MDN1: variants seen among roughly 807,000 people sequenced by gnomAD.
MDN1 encodes the protein midasin AAA ATPase 1, also known as midasin.
MDN1 carries 266 observed loss-of-function variants against 669.2 expected under a neutral mutation model. The observed-to-expected ratio is 0.40, with a 90% confidence interval of 0.36 to 0.44. The LOEUF is 0.44. Among genes scored for constraint, MDN1 ranks in the 20% least tolerant of loss-of-function variants. The pLI, the probability that MDN1 is intolerant of heterozygous loss-of-function variation, is 1.00. For synonymous variants in MDN1, 2,385 were observed against 2,457.1 expected (o/e 0.97, Z 0.87); for missense variants, 5,940 against 6,754.0 (o/e 0.88, Z 4.22).
At position 89,650,699 on chromosome 6, in the gene MDN1, G is replaced by A. The variant is rs749906639; in HGVS notation, c.16031+33C>T. ...TCAATGAAGCTGCCGTCTTCTCAGGGCACTGTGAGGCCTTCCAGAGGGGAA... is the reference window on the plus strand; with the variant it reads ...TCAATGAAGCTGCCGTCTTCTCAGGACACTGTGAGGCCTTCCAGAGGGGAA... On this transcript the variant is annotated intron_variant, in intron 96 of 101. Coordinates refer to ENST00000369393, the MANE Select transcript of MDN1 (RefSeq NM_014611.3). 7 of 1,518,364 alleles carry A rather than the reference G, an allele frequency of 4.6e-6. No individual in the cohort carries two copies. The South Asian group carries it at 7.9e-5, about 17-fold the overall frequency. 94.1% of individuals were successfully genotyped at this position (1,518,364 alleles called of 1,614,324 possible). A position where few individuals can be genotyped will look rare whatever the true frequency, so the allele number is the denominator to read the frequency against.
intron 71 of MDN1, 56 bp downstream of exon 71, chr6:89,684,820 A>C: frequency 8.7e-7 from 1 of 1,150,400 alleles, no homozygotes; most frequent in Non-Finnish European, 1.3e-6. Context: ...GGTTAACGAA[A>C]GAGAATTTGC....
At chr6:89,752,448 C>T (rs969921805) in intron 22 of MDN1, among the ~76,000 whole-genome samples, 2 of 152,158 alleles carry the variant, frequency 1.3e-5, no homozygotes, top group East Asian at 1.9e-4. Flanking sequence ...AAGGCTGAGT[C>T]CAAAGAAACT....
rs751681703 is a variant in MDN1, at chr6:89,688,123, G to A, written c.11310C>T (p.Ile3770=). The A allele has an allele frequency of 5.0e-6, 8 of 1,614,014 alleles. No individual in the cohort carries two copies. The African/African-American group carries it at 9.3e-5, about 19-fold the overall frequency. The change falls in exon 67 of 102, where the codon ATC becomes ATT. Residue 3770 remains isoleucine, a synonymous_variant. Transcript: ENST00000369393. ...RIRSFPLSSP[I]SKFLNGLEIL... The stretch of plus-strand genomic sequence containing the variant: ...TCTCTAAGCCATTCAGGAACTTTGA[G>A]ATGGGACTGGAAAGTGGGAAACTAC...
At chr6:89,690,428 G>C (rs1175453716) in intron 64 of MDN1, among the ~76,000 whole-genome samples, 1 of 152,018 alleles carries the variant, frequency 6.6e-6, no homozygotes, top group Non-Finnish European at 1.5e-5. Flanking sequence ...AAAAACGGCA[G>C]GGTGTGGTAG....
intron 73 of MDN1, among the ~76,000 whole-genome samples, chr6:89,682,776 C>CAA (rs1168971439): frequency 0.071 from 2,493 of 35,268 alleles, 116 homozygotes; most frequent in Non-Finnish European, 0.11. Flanking sequence ...CTCATCTCTA[C>CAA]AAAAAAAAAA....
chr6:89,785,086 T>C lies in MDN1; in HGVS notation c.1375A>G (p.Ser459Gly), dbSNP rs767348994. The C allele has an allele frequency of 8.7e-6, 14 of 1,614,040 alleles. No individual in the cohort carries two copies. The East Asian group carries it at 3.1e-4, about 36-fold the overall frequency. ...CGGNWYRPLN[S>G]HATLLDKYWT... ...TATTTGTCTAGCAAAGTAGCATGACTGTTTAGCGGTCGATACCAATTTCCT... is the reference window on the plus strand; with the variant it reads ...TATTTGTCTAGCAAAGTAGCATGACCGTTTAGCGGTCGATACCAATTTCCT... The change falls in exon 9 of 102, where the codon AGT becomes GGT. Residue 459 changes from serine to glycine, a missense_variant. Around this residue, in one of 5 missense-constraint regions of MDN1, gnomAD observed 1,203 missense variants for 1,268.9 expected, o/e 0.95. Transcript: ENST00000369393.
At chr6:89,677,513 T>A in intron 76 of MDN1, 57 bp downstream of exon 76, 1 of 1,603,694 alleles carries the variant, frequency 6.2e-7, no homozygotes, top group Non-Finnish European at 8.5e-7. Flanking sequence ...GACAAGGAGT[T>A]CTAAATTACT....
intron 61 of MDN1, among the ~76,000 whole-genome samples, chr6:89,694,499 C>T (rs1812598416): frequency 6.6e-6 from 1 of 152,180 alleles, no homozygotes; most frequent in South Asian, 2.1e-4. Context: ...AGTTCCTGAA[C>T]TTGGTTCAAA....
At chr6:89,715,943 C>T (rs540628310) in intron 44 of MDN1, among the ~76,000 whole-genome samples, 174 bp from the exon 45 acceptor site, 1 of 152,316 alleles carries the variant, frequency 6.6e-6, no homozygotes, top group South Asian at 2.1e-4. Context: ...TTTTCCTTCT[C>T]GCTTCCCTAG....
chr6:89,789,633 A>T, intron 7 of MDN1, 147 bp downstream of exon 7: 1 of 868,216 alleles, frequency 1.2e-6, no homozygotes, highest in Non-Finnish European at 1.7e-6. Context: ...AAATCAGATC[A>T]GGTAAGTAAC....
At chr6:89,683,053 G>A (rs984107639) in intron 73 of MDN1, 79 bp downstream of exon 73, 1 of 1,400,830 alleles carries the variant, frequency 7.1e-7, no homozygotes, top group Non-Finnish European at 1.0e-6. Context: ...GTCTAGTACT[G>A]AGGCATGCCT....
In MDN1 at chr6:89,684,928, C is replaced by T. The variant is rs772431513; in HGVS notation, c.11777G>A (p.Arg3926Gln). 24 of 1,613,514 alleles carry T rather than the reference C, an allele frequency of 1.5e-5. No individual in the cohort carries two copies. In the African/African-American group the frequency reaches 1.7e-4, roughly 12 times the overall value. Reference sequence around the variant, plus strand: ...AAGTTCCACAATTTTGGCCTGGACCCGGTCAAAGAATTGCTTGTAATAATG... The same window carrying T: ...AAGTTCCACAATTTTGGCCTGGACCTGGTCAAAGAATTGCTTGTAATAATG... ...LYHYYKQFFD[R>Q]VQAKIVELRS... is the part of the protein sequence containing the mutation. Residue 3926 changes from arginine to glutamine, a missense_variant, in exon 71 of 102, where the codon CGG becomes CAG. Coordinates refer to ENST00000369393, the MANE Select transcript of MDN1 (RefSeq NM_014611.3).
chr6:89,664,636 A>G lies in MDN1; in HGVS notation c.14095-8T>C, dbSNP rs1339068658. 1 of 1,596,488 alleles carries G rather than the reference A, an allele frequency of 6.3e-7. No individual in the cohort carries two copies. The highest frequency in any genetic ancestry group is 2.2e-5 in the East Asian group (1 of 44,750). Reference sequence around the variant, plus strand: ...CTGAAATGTATCTTCCACCTACATAAAGAAGTATTAAACATAAATAAATGA... The same window carrying G: ...CTGAAATGTATCTTCCACCTACATAGAGAAGTATTAAACATAAATAAATGA... On this transcript the variant is annotated splice_region_variant and splice_polypyrimidine_tract_variant and intron_variant, in intron 84 of 101. Coordinates refer to ENST00000369393, the MANE Select transcript of MDN1 (RefSeq NM_014611.3).
At chr6:89,674,683 C>G (rs1241939956) in intron 78 of MDN1, 94 bp from the exon 79 acceptor site, 3 of 1,464,654 alleles carry the variant, frequency 2.0e-6, no homozygotes, top group African/African-American at 2.8e-5. Flanking sequence ...TCTGAACAAG[C>G]ATGGGCTTTT....
At chr6:89,773,539 C>CA (rs531119611) in intron 13 of MDN1, among the ~76,000 whole-genome samples, 11,393 of 78,190 alleles carry the variant, frequency 0.15, 1,308 homozygotes, top group African/African-American at 0.36. Context: ...GACTCCATCT[C>CA]AAAAAAAAAA....
chr6:89,781,282 C>T lies in MDN1; in HGVS notation c.1643+117G>A, dbSNP rs184252492. 154 of 906,716 alleles carry T rather than the reference C, an allele frequency of 1.7e-4. 1 individual carries two copies. The highest frequency in any genetic ancestry group is 8.6e-4 in the Admixed American group (40 of 46,458). The allele number at this position is 906,716 out of a possible 1,614,324, so 56.2% of individuals were successfully genotyped here. On this transcript the variant is annotated intron_variant, in intron 10 of 101. Transcript: ENST00000369393. ...TGGTAAGAACTTTGAACCTAGGAGG[C>T]GGAGGTTGGAGTGAGCCAAAACTGC...
intron 100 of MDN1, 55 bp downstream of exon 100, chr6:89,646,485 G>T: frequency 3.4e-6 from 5 of 1,474,160 alleles, no homozygotes; most frequent in Non-Finnish European, 3.8e-6. Context: ...AGCAGCTTGG[G>T]AATATAGAGT....
intron 40 of MDN1, among the ~76,000 whole-genome samples, chr6:89,721,342 G>A (rs1205017695): frequency 6.6e-6 from 1 of 152,200 alleles, no homozygotes; most frequent in Non-Finnish European, 1.5e-5. Flanking sequence ...TAGACAGAAA[G>A]CTGAAGTTGA....
intron 67 of MDN1, 133 bp downstream of exon 67, chr6:89,687,945 G>A: frequency 1.2e-6 from 1 of 809,676 alleles, no homozygotes; most frequent in South Asian, 1.6e-5. Context: ...CTCACCCCAT[G>A]CCAGAAAAAC....
Sources: gnomAD v4.1 joint callset for allele counts (sites outside exome capture counted in the v4.1 genomes callset) on GRCh38, gnomAD v4.1.1 for gene constraint, gnomAD v4.1.1 regional missense constraint, MANE v1.5 for transcripts, NCBI Gene and HGNC (gene_info 2026-07-23, HGNC 2026-07-21) for gene names.